PPFIBP1: variants seen among roughly 807,000 people sequenced by gnomAD.
PPFIBP1 encodes liprin-beta-1.
Under a neutral mutation model 137.8 loss-of-function variants are expected in PPFIBP1, and 112 were observed. That is an observed-to-expected ratio of 0.81 (90% CI 0.70 to 0.95). The LOEUF (loss-of-function observed/expected upper bound fraction) is 0.95, where lower values mean the gene tolerates loss of function less well. PPFIBP1 is among the 40% of genes least tolerant of loss of function. PPFIBP1 has a pLI of 0.00. For missense variants in PPFIBP1, 1,083 were observed against 1,196.6 expected, an observed-to-expected ratio of 0.91 and a Z score of 1.40; for synonymous variants, 378 against 417.3, an observed-to-expected ratio of 0.91 and a Z score of 1.15.
intron 25 of PPFIBP1, 194 bp from the exon 26 acceptor site, chr12:27,688,104 C>G: frequency 1.7e-6 from 1 of 604,802 alleles, no homozygotes; most frequent in South Asian, 2.5e-5. Context: ...AAAAAGACTT[C>G]CTTTCCTAAA....
At chr12:27,690,260 A>G (rs2061452489) in intron 27 of PPFIBP1, among the ~76,000 whole-genome samples, 1 of 151,816 alleles carries the variant, frequency 6.6e-6, no homozygotes, top group Non-Finnish European at 1.5e-5. Context: ...GTACTGCTGG[A>G]CTTGAGTATG....
At chr12:27,582,935 A>G (rs1356445385) in intron 2 of PPFIBP1, among the ~76,000 whole-genome samples, 1 of 152,036 alleles carries the variant, frequency 6.6e-6, no homozygotes, top group African/African-American at 2.4e-5. Context: ...TTATTTTTCC[A>G]TCAGCTTTTC....
chr12:27,553,040 G>C (rs942047120), intron 1 of PPFIBP1, among the ~76,000 whole-genome samples: 3 of 152,114 alleles, frequency 2.0e-5, no homozygotes, highest in Non-Finnish European at 4.4e-5. Context: ...GATTTTACAA[G>C]GAAGTGCACG....
chr12:27,587,484 G>A (rs527486339), intron 2 of PPFIBP1, among the ~76,000 whole-genome samples: 18 of 151,540 alleles, frequency 1.2e-4, no homozygotes, highest in African/African-American at 3.6e-4. Flanking sequence ...TTAGCTGGGC[G>A]TGGTGGCGGG....
chr12:27,581,256 G>A (rs920587159), intron 2 of PPFIBP1, among the ~76,000 whole-genome samples: 10 of 152,200 alleles, frequency 6.6e-5, no homozygotes, highest in African/African-American at 7.2e-5. Flanking sequence ...TTGCCTAAGA[G>A]TGTAAGCAAC....
intron 1 of PPFIBP1, among the ~76,000 whole-genome samples, chr12:27,570,911 A>C (rs1182940856): frequency 6.8e-6 from 1 of 147,874 alleles, no homozygotes; most frequent in African/African-American, 2.5e-5. Flanking sequence ...ACTCTGTCTC[A>C]AAGAAAAAAA....
At chr12:27,605,133 A>C (rs2054395010) in intron 2 of PPFIBP1, among the ~76,000 whole-genome samples, 1 of 152,208 alleles carries the variant, frequency 6.6e-6, no homozygotes, top group Non-Finnish European at 1.5e-5. Context: ...GAAAGCATTT[A>C]TGGTGGCCTA....
In PPFIBP1 at chr12:27,656,613, T is replaced by C. The variant is rs747939343; in HGVS notation, c.697-3T>C. 3 of 1,556,098 alleles carry C rather than the reference T, an allele frequency of 1.9e-6. No individual in the cohort carries two copies. Among genetic ancestry groups the C allele is most frequent in the African/African-American group, 2.7e-5 (2 of 73,598 alleles). ...TATTTTTAAATGAATTTGTAACTTG[T>C]AGGATGAACTGGCATCTTTAAAAGA... On this transcript the variant is annotated splice_region_variant and splice_polypyrimidine_tract_variant and intron_variant, in intron 8 of 29. Coordinates refer to ENST00000228425, the MANE Select transcript of PPFIBP1 (RefSeq NM_003622.4).
Position 27,634,197 on chromosome 12 carries a change from A to G in PPFIBP1, c.65-713A>G, listed in dbSNP as rs117191449. Among the ~76,000 whole-genome samples, 38 of 145,352 alleles carry G rather than the reference A, an allele frequency of 2.6e-4. No individual in the cohort carries two copies. In the East Asian group the frequency reaches 7.0e-3, roughly 27 times the overall value. ...AGTCTTGCTATGTTTCTCAAGCTGAAGTGTAGTGGCTATTTACAGGCATGA... is the reference window on the plus strand; with the variant it reads ...AGTCTTGCTATGTTTCTCAAGCTGAGGTGTAGTGGCTATTTACAGGCATGA... On this transcript the variant is annotated intron_variant, in intron 3 of 29. Transcript: ENST00000228425.
chr12:27,598,403 G>A (rs553201785), intron 2 of PPFIBP1, among the ~76,000 whole-genome samples: 12 of 152,120 alleles, frequency 7.9e-5, no homozygotes, highest in African/African-American at 1.2e-4. Context: ...TGAGAACAGC[G>A]TGGGAAAGAC....
intron 1 of PPFIBP1, among the ~76,000 whole-genome samples, chr12:27,542,795 TC>T (rs1945811074): frequency 6.6e-6 from 1 of 152,194 alleles, no homozygotes; most frequent in Admixed American, 6.5e-5. Context: ...TGATGACTCC[TC>T]AGCTTAGGAT....
rs114190886 is a variant in PPFIBP1 at position 27,560,321 on chromosome 12, A to G, written c.-123-17831A>G. On this transcript the variant is annotated intron_variant, in intron 1 of 29. Transcript: ENST00000228425. ...AAACCTCAGGAATGAATTAAATGCA[A>G]AATGAGTCTGTTTCTTTCGGTGGTT... is the stretch of plus-strand genomic sequence containing the variant. Among the ~76,000 whole-genome samples the G allele has an allele frequency of 8.0e-3, 1,215 of 152,342 alleles. 17 individuals are homozygous for G. The highest frequency in any genetic ancestry group is 0.028 in the African/African-American group (1,165 of 41,574).
At chr12:27,640,445 GT>G (rs2058035364) in intron 4 of PPFIBP1, among the ~76,000 whole-genome samples, 1 of 152,204 alleles carries the variant, frequency 6.6e-6, no homozygotes, top group African/African-American at 2.4e-5. Context: ...AATGAATGAA[GT>G]TGCTGCTATA....
chr12:27,569,421 T>G (rs991858423), intron 1 of PPFIBP1, among the ~76,000 whole-genome samples: 7 of 152,246 alleles, frequency 4.6e-5, no homozygotes, highest in African/African-American at 1.7e-4. Flanking sequence ...CTATGCCTTC[T>G]GGTCTGACTG....
chr12:27,672,256 A>G (rs1177897805), intron 14 of PPFIBP1, among the ~76,000 whole-genome samples, 171 bp from the exon 15 acceptor site: 1 of 152,224 alleles, frequency 6.6e-6, no homozygotes, highest in African/African-American at 2.4e-5. Flanking sequence ...TTTTGCCAAC[A>G]TATTCCCAGA....
chr12:27,612,587 G>A (rs2055257314), intron 2 of PPFIBP1, among the ~76,000 whole-genome samples: 1 of 151,874 alleles, frequency 6.6e-6, no homozygotes, highest in Non-Finnish European at 1.5e-5. Flanking sequence ...GGGCTTAAGC[G>A]AGCCTCCCGT....
At chr12:27,529,116 G>T (rs1490632419) in intron 1 of PPFIBP1, among the ~76,000 whole-genome samples, 1 of 152,190 alleles carries the variant, frequency 6.6e-6, no homozygotes, top group Non-Finnish European at 1.5e-5. Flanking sequence ...CCGTCATTCT[G>T]GCCAAGGGTC....
At chr12:27,610,643 T>A (rs2055001167) in intron 2 of PPFIBP1, among the ~76,000 whole-genome samples, 1 of 152,322 alleles carries the variant, frequency 6.6e-6, no homozygotes, top group Admixed American at 6.5e-5. Context: ...AAATTAAAAC[T>A]GATCACTTTT....
At position 27,639,449 on chromosome 12, in the gene PPFIBP1, TG is replaced by T. The variant is rs529490000; in HGVS notation, c.270+4335del. On this transcript the variant is annotated intron_variant, in intron 4 of 29. Transcript: ENST00000228425. ...GAGTTGCCCTAGAACATTCTTATAA[TG>T]TTTTTTTAACTGAGGATCATGACCT... is the stretch of plus-strand genomic sequence containing the variant. 3.8e-3 allele frequency among the ~76,000 whole-genome samples: 582 copies of T among 152,316 alleles called. 6 individuals carry two copies. Among genetic ancestry groups the T allele is most frequent in the African/African-American group, 0.013 (540 of 41,560 alleles).
Sources: gnomAD v4.1 joint callset for allele counts (sites outside exome capture counted in the v4.1 genomes callset) on GRCh38, gnomAD v4.1.1 for gene constraint, MANE v1.5 for transcripts, NCBI Gene and HGNC (gene_info 2026-07-23, HGNC 2026-07-21) for gene names.